CDH18: variants seen among roughly 807,000 people sequenced by gnomAD.
CDH18 encodes the protein cadherin 18, also known as cadherin-18.
In CDH18, 31 loss-of-function variants were observed where a neutral mutation model predicts 67.9. The ratio of observed to expected loss-of-function variants is 0.46; its 90% CI spans 0.34 to 0.62. The LOEUF is 0.62. Among genes scored for constraint, CDH18 ranks in the 20% least tolerant of loss-of-function variants. The probability of loss-of-function intolerance (pLI) is 0.01; values close to 1 mark genes in which losing one functional copy is unlikely to be tolerated. For synonymous variants in CDH18, 362 were observed against 347.2 expected (o/e 1.04, Z -0.48); for missense variants, 890 against 975.5 (o/e 0.91, Z 1.17).
Position 19,790,175 on chromosome 5 carries a change from T to TA in CDH18, c.229-42940dup, listed in dbSNP as rs1234279468. Among the ~76,000 whole-genome samples, 6 of 152,240 alleles carry TA rather than the reference T, an allele frequency of 3.9e-5. No individual in the cohort carries two copies. The East Asian group carries it at 1.2e-3, about 29-fold the overall frequency. On this transcript the variant is annotated intron_variant, in intron 3 of 12. Coordinates refer to ENST00000382275, the MANE Select transcript of CDH18 (RefSeq NM_004934.5). The stretch of plus-strand genomic sequence containing the variant: ...CACCCCTGCTATCAAGAGACTTTTT[T>TA]ATGCTTCTCTCTAAACCTTTCTAGT...
At chr5:19,893,378 TC>T (rs2150089862) in intron 2 of CDH18, among the ~76,000 whole-genome samples, 1 of 152,264 alleles carries the variant, frequency 6.6e-6, no homozygotes, top group African/African-American at 2.4e-5. Context: ...AGAAAAGTTT[TC>T]CCCAAATAGC....
At chr5:20,100,926 T>C (rs1746408389) in intron 2 of CDH18, among the ~76,000 whole-genome samples, 1 of 152,196 alleles carries the variant, frequency 6.6e-6, no homozygotes, top group Admixed American at 6.6e-5. Context: ...TTTAATCATA[T>C]ATTTATGACT....
chr5:19,631,180 A>G (rs1359928586), intron 5 of CDH18, among the ~76,000 whole-genome samples: 2 of 152,040 alleles, frequency 1.3e-5, no homozygotes, highest in African/African-American at 4.8e-5. Context: ...TTAACTAAAG[A>G]GAGAGCACCA....
intron 1 of CDH18, among the ~76,000 whole-genome samples, chr5:20,519,509 T>C (rs1755594146): frequency 6.6e-6 from 1 of 152,074 alleles, no homozygotes; most frequent in African/African-American, 2.4e-5. Flanking sequence ...TTAGGAGATA[T>C]ACCTAATGCT....
intron 5 of CDH18, among the ~76,000 whole-genome samples, chr5:19,719,882 A>G (rs28473754): frequency 6.7e-6 from 1 of 150,176 alleles, no homozygotes. Flanking sequence ...GAGAGAGAGA[A>G]AGAAAGAAAG....
At chr5:20,447,712 G>A (rs112469126) in intron 1 of CDH18, among the ~76,000 whole-genome samples, 28 of 151,956 alleles carry the variant, frequency 1.8e-4, no homozygotes, top group Admixed American at 1.8e-3. Context: ...TTCAATTTCT[G>A]TCAACATACA....
At chr5:20,271,967 G>A (rs1745472261) in intron 1 of CDH18, among the ~76,000 whole-genome samples, 1 of 149,940 alleles carries the variant, frequency 6.7e-6, no homozygotes, top group Non-Finnish European at 1.5e-5. Context: ...ATTTAAGTTT[G>A]TAGGTATTAG....
At chr5:20,544,431 A>T (rs1236736308) in intron 1 of CDH18, among the ~76,000 whole-genome samples, 2 of 152,166 alleles carry the variant, frequency 1.3e-5, no homozygotes, top group Non-Finnish European at 2.9e-5. Flanking sequence ...TGCTATAAAG[A>T]TACTACCTGA....
intron 1 of CDH18, among the ~76,000 whole-genome samples, chr5:20,317,018 A>G (rs1737525220): frequency 1.3e-5 from 2 of 152,200 alleles, no homozygotes; most frequent in South Asian, 2.1e-4. Context: ...TTTAATGAAA[A>G]GAGAATAAAA....
At chr5:19,587,482 G>T (rs966022573) in intron 7 of CDH18, among the ~76,000 whole-genome samples, 3 of 152,118 alleles carry the variant, frequency 2.0e-5, no homozygotes, top group Non-Finnish European at 1.5e-5. Flanking sequence ...GTATAAGGAA[G>T]GGTGTCAGTT....
chr5:19,918,504 T>C (rs890618245), intron 2 of CDH18, among the ~76,000 whole-genome samples: 2 of 152,166 alleles, frequency 1.3e-5, no homozygotes, highest in Non-Finnish European at 2.9e-5. Context: ...TCATGACATG[T>C]GCTAAGGTCA....
intron 3 of CDH18, among the ~76,000 whole-genome samples, chr5:19,758,012 T>C (rs1771837638): frequency 6.6e-6 from 1 of 152,114 alleles, no homozygotes; most frequent in African/African-American, 2.4e-5. Flanking sequence ...TGTCAACTGA[T>C]CATAGGGAAC....
chr5:20,139,673 T>C (rs1403618232), intron 2 of CDH18, among the ~76,000 whole-genome samples: 4 of 152,158 alleles, frequency 2.6e-5, no homozygotes, highest in East Asian at 3.9e-4. Flanking sequence ...GAACAGACAC[T>C]TCTCAGAAGA....
chr5:19,783,342 G>A (rs570718627), intron 3 of CDH18, among the ~76,000 whole-genome samples: 1 of 152,172 alleles, frequency 6.6e-6, no homozygotes, highest in East Asian at 1.9e-4. Flanking sequence ...AGAGAGCTGT[G>A]GATGTGGAAA....
intron 2 of CDH18, among the ~76,000 whole-genome samples, chr5:20,082,534 A>C (rs1363127820): frequency 6.6e-6 from 1 of 152,112 alleles, no homozygotes; most frequent in Non-Finnish European, 1.5e-5. Context: ...CTTTGGGGCC[A>C]TTTCAGTTCT....
At chr5:20,365,177 T>G (rs1431587607) in intron 1 of CDH18, among the ~76,000 whole-genome samples, 1 of 152,182 alleles carries the variant, frequency 6.6e-6, no homozygotes, top group African/African-American at 2.4e-5. Flanking sequence ...ATATGAGACC[T>G]CTTCCTGGCT....
rs1554078421 is a variant in CDH18 at position 19,994,829 on chromosome 5, A to AATATATATAT, written c.-517-2825_-517-2816dup. Among the ~76,000 whole-genome samples, 8 of 21,018 alleles carry AATATATATAT rather than the reference A, an allele frequency of 3.8e-4. 1 individual carries two copies. The highest frequency in any genetic ancestry group is 1.8e-3 in the African/African-American group (8 of 4,566). The allele number at this position is 21,018 out of a possible 152,430, so 13.8% of individuals were successfully genotyped here. ...TGTCTCTGTGTGTATATATAAAGAG[A>AATATATATAT]ATATATATATATATATATATATATA... On this transcript the variant is annotated intron_variant, in intron 2 of 14. Transcript: ENST00000507958.
intron 9 of CDH18, among the ~76,000 whole-genome samples, chr5:19,539,783 C>T (rs937424441): frequency 3.9e-5 from 6 of 152,130 alleles, no homozygotes; most frequent in Non-Finnish European, 5.9e-5. Context: ...CTGGAAAAGA[C>T]GAGGTCCATG....
chr5:19,610,913 C>A (rs986356675), intron 6 of CDH18, among the ~76,000 whole-genome samples: 15 of 152,022 alleles, frequency 9.9e-5, no homozygotes, highest in African/African-American at 3.6e-4. Flanking sequence ...GAGCAAACGC[C>A]ACATGAATGC....
Sources: gnomAD v4.1 joint callset for allele counts (sites outside exome capture counted in the v4.1 genomes callset) on GRCh38, gnomAD v4.1.1 for gene constraint, MANE v1.5 for transcripts, NCBI Gene and HGNC (gene_info 2026-07-23, HGNC 2026-07-21) for gene names.